CTNNA3: variants seen among roughly 807,000 people sequenced by gnomAD.
CTNNA3 encodes catenin alpha-3.
CTNNA3 carries 76 observed loss-of-function variants against 95.7 expected under a neutral mutation model. That is an observed-to-expected ratio of 0.79 (90% CI 0.66 to 0.96). The LOEUF is 0.96. Among genes scored for constraint, CTNNA3 ranks in the 40% least tolerant of loss-of-function variants. CTNNA3 has a pLI of 0.00. For synonymous variants in CTNNA3, 431 were observed against 374.4 expected, an observed-to-expected ratio of 1.15 and a Z score of -1.74; for missense variants, 1,191 against 1,089.8, an observed-to-expected ratio of 1.09 and a Z score of -1.31.
At chr10:66,655,901 A>T (rs2132427786) in intron 9 of CTNNA3, among the ~76,000 whole-genome samples, 1 of 152,242 alleles carries the variant, frequency 6.6e-6, no homozygotes, top group Admixed American at 6.5e-5. Context: ...AATTCCATCC[A>T]CCGAAATGTT....
At chr10:65,957,184 C>G (rs954283599) in intron 17 of CTNNA3, among the ~76,000 whole-genome samples, 3 of 152,132 alleles carry the variant, frequency 2.0e-5, no homozygotes, top group African/African-American at 7.2e-5. Flanking sequence ...GGTTTCAAGT[C>G]TGTTTTATCA....
chr10:67,426,923 A>G (rs1455434606), intron 5 of CTNNA3, among the ~76,000 whole-genome samples: 1 of 152,112 alleles, frequency 6.6e-6, no homozygotes, highest in African/African-American at 2.4e-5. Flanking sequence ...AAAATTTTCA[A>G]TGTACAGGAA....
intron 2 of CTNNA3, among the ~76,000 whole-genome samples, chr10:67,616,646 A>G (rs555446945): frequency 3.9e-5 from 6 of 152,202 alleles, no homozygotes; most frequent in Non-Finnish European, 8.8e-5. Context: ...AATATTTACT[A>G]GTTGAGGAAA....
chr10:66,978,952 C>T (rs191565026), intron 7 of CTNNA3, among the ~76,000 whole-genome samples: 2 of 141,094 alleles, frequency 1.4e-5, no homozygotes, highest in African/African-American at 2.6e-5. Context: ...TCCTCACATA[C>T]TTATTTCCTT....
At chr10:67,503,890 G>A (rs1055535169) in intron 5 of CTNNA3, among the ~76,000 whole-genome samples, 16 of 152,204 alleles carry the variant, frequency 1.1e-4, no homozygotes, top group Non-Finnish European at 2.1e-4. Flanking sequence ...AGGCGCGGTG[G>A]CTCATGCCTG....
At chr10:67,699,759 C>A (rs1439170575), upstream of CTNNA3, among the ~76,000 whole-genome samples, 1 of 152,174 alleles carries the variant, frequency 6.6e-6, no homozygotes, top group Non-Finnish European at 1.5e-5. Context: ...TAGGGAGTGC[C>A]AGACAGTGGG....
chr10:65,964,316 G>A (rs1018597642), intron 17 of CTNNA3, among the ~76,000 whole-genome samples: 1 of 152,122 alleles, frequency 6.6e-6, no homozygotes, highest in African/African-American at 2.4e-5. Context: ...GCAAAAGGGG[G>A]CATGCTCTCC....
chr10:66,988,692 C>T (rs1850867172), intron 7 of CTNNA3, among the ~76,000 whole-genome samples: 2 of 152,148 alleles, frequency 1.3e-5, no homozygotes, highest in Non-Finnish European at 2.9e-5. Flanking sequence ...GAACATTCTG[C>T]AGTCTGATTA....
intron 9 of CTNNA3, among the ~76,000 whole-genome samples, chr10:66,725,278 G>A (rs914635381): frequency 3.1e-4 from 47 of 152,008 alleles, no homozygotes; most frequent in African/African-American, 1.1e-3. Flanking sequence ...TCTATCTTAA[G>A]ATCTAAAAAT....
intron 15 of CTNNA3, among the ~76,000 whole-genome samples, chr10:66,012,654 T>C (rs923095923): frequency 6.6e-6 from 1 of 152,132 alleles, no homozygotes; most frequent in African/African-American, 2.4e-5. Context: ...AAACTAATAG[T>C]TGAATGGAAA....
intron 13 of CTNNA3, among the ~76,000 whole-genome samples, chr10:66,134,226 T>C (rs1478006703): frequency 6.6e-6 from 1 of 152,092 alleles, no homozygotes; most frequent in Non-Finnish European, 1.5e-5. Context: ...ACTCCACAAA[T>C]ATGTCATTTC....
rs537301993 is a variant in CTNNA3, at chr10:67,020,473, G to C, written c.1047+159844C>G. 1.7e-3 allele frequency among the ~76,000 whole-genome samples: 259 copies of C among 152,206 alleles called. 2 individuals are homozygous for C. Among genetic ancestry groups the C allele is most frequent in the African/African-American group, 5.9e-3 (246 of 41,546 alleles). On this transcript the variant is annotated intron_variant, in intron 7 of 17. Transcript: ENST00000433211. Reference sequence around the variant, plus strand: ...GTTAAGCTATGTAGGATTCATCTCTGTTCACTTACAGAGTCTAACAATTTA... The same window carrying C: ...GTTAAGCTATGTAGGATTCATCTCTCTTCACTTACAGAGTCTAACAATTTA...
chr10:67,384,177 G>C (rs1844055986), intron 5 of CTNNA3, among the ~76,000 whole-genome samples: 1 of 151,594 alleles, frequency 6.6e-6, no homozygotes, highest in African/African-American at 2.4e-5. Flanking sequence ...ATTTAAAGTT[G>C]GTTAAAAAAA....
At chr10:66,890,476 G>T (rs1272615539) in intron 7 of CTNNA3, among the ~76,000 whole-genome samples, 1 of 152,126 alleles carries the variant, frequency 6.6e-6, no homozygotes, top group African/African-American at 2.4e-5. Flanking sequence ...GTTCAACAGA[G>T]AAAGTAGGCA....
At chr10:66,963,165 G>C (rs1303639374) in intron 7 of CTNNA3, among the ~76,000 whole-genome samples, 1 of 152,136 alleles carries the variant, frequency 6.6e-6, no homozygotes, top group East Asian at 1.9e-4. Context: ...ATTTGCTATA[G>C]AAATACTGTA....
intron 5 of CTNNA3, among the ~76,000 whole-genome samples, chr10:67,388,347 G>T (rs1844291280): frequency 7.1e-6 from 1 of 140,128 alleles, no homozygotes; most frequent in Non-Finnish European, 1.5e-5. Flanking sequence ...ACGTGAGAAG[G>T]GAAGTTTAGA....
intron 7 of CTNNA3, among the ~76,000 whole-genome samples, chr10:66,856,883 T>C (rs529314270): frequency 6.6e-6 from 1 of 152,244 alleles, no homozygotes; most frequent in South Asian, 2.1e-4. Flanking sequence ...TAGTTTCTTT[T>C]GCTGTGCAGA....
chr10:66,328,837 A>C (rs2092287760), intron 12 of CTNNA3, among the ~76,000 whole-genome samples: 1 of 149,632 alleles, frequency 6.7e-6, no homozygotes, highest in Non-Finnish European at 1.5e-5. Flanking sequence ...AAATGTGATG[A>C]GACATTCCAG....
intron 15 of CTNNA3, among the ~76,000 whole-genome samples, chr10:66,001,779 C>T (rs1265695182): frequency 6.6e-6 from 1 of 152,028 alleles, no homozygotes; most frequent in Non-Finnish European, 1.5e-5. Flanking sequence ...AGCACCTTTT[C>T]ACTTTTTTAA....
Sources: gnomAD v4.1 joint callset for allele counts (sites outside exome capture counted in the v4.1 genomes callset) on GRCh38, gnomAD v4.1.1 for gene constraint, MANE v1.5 for transcripts, NCBI Gene and HGNC (gene_info 2026-07-23, HGNC 2026-07-21) for gene names.